MKNK1: variants seen among roughly 807,000 people sequenced by gnomAD.
MKNK1 encodes the protein MAP kinase-interacting serine/threonine-protein kinase 1.
A neutral mutation model predicts 49.3 loss-of-function variants in MKNK1; 30 were observed. The ratio of observed to expected loss-of-function variants is 0.61; its 90% CI spans 0.46 to 0.83. The LOEUF (loss-of-function observed/expected upper bound fraction) is 0.83. Ranked by LOEUF, MKNK1 falls within the 40% of genes least tolerant of loss-of-function variation. The probability of loss-of-function intolerance (pLI) is 0.00; values close to 1 mark genes in which losing one functional copy is unlikely to be tolerated. For missense variants in MKNK1, 423 were observed against 524.7 expected, an observed-to-expected ratio of 0.81 and a Z score of 1.89; for synonymous variants, 176 against 201.7, an observed-to-expected ratio of 0.87 and a Z score of 1.08.
Position 46,558,397 on chromosome 1 carries a change from C to T in MKNK1, c.*178G>A, listed in dbSNP as rs1241003466. 1 of 599,896 alleles carries T rather than the reference C, an allele frequency of 1.7e-6. No homozygotes were observed. Among genetic ancestry groups the T allele is most frequent in the African/African-American group, 1.9e-5 (1 of 53,312 alleles). The allele number at this position is 599,896 out of a possible 1,614,324, so 37.2% of individuals were successfully genotyped here. A position where few individuals can be genotyped will look rare whatever the true frequency, so the allele number is the denominator to read the frequency against. On this transcript the variant is annotated 3_prime_UTR_variant, in exon 13 of 13. Transcript: ENST00000371945. ...ACAACCCCTTTGGAAAAAGCTTTTT[C>T]CTCCAGGACCCTAGGGAAATGGGGG...
chr1:46,583,150 C>A, intron 3 of MKNK1, 78 bp downstream of exon 3: 1 of 1,118,082 alleles, frequency 8.9e-7, no homozygotes, highest in South Asian at 1.3e-5. Context: ...ATTCTGTGAT[C>A]GGACCTGTGG....
intron 10 of MKNK1, 83 bp from the exon 11 acceptor site, chr1:46,561,725 A>G: frequency 6.7e-7 from 1 of 1,482,880 alleles, no homozygotes; most frequent in African/African-American, 1.4e-5. Flanking sequence ...AACCGGCTTC[A>G]ATTGATCTCA....
chr1:46,581,074 G>A (rs1037642306), intron 3 of MKNK1, among the ~76,000 whole-genome samples: 4 of 151,954 alleles, frequency 2.6e-5, no homozygotes, highest in African/African-American at 9.7e-5. Flanking sequence ...ATATACGCAT[G>A]ATCCCTCTCC....
intron 1 of MKNK1, among the ~76,000 whole-genome samples, chr1:46,595,898 C>T (rs377016947): frequency 3.9e-5 from 6 of 152,184 alleles, no homozygotes; most frequent in Non-Finnish European, 7.4e-5. Context: ...ACTACAGGCA[C>T]GAGCCACCAC....
chr1:46,558,880 G>C, intron 12 of MKNK1, 80 bp from the exon 13 acceptor site: 6 of 1,211,040 alleles, frequency 5.0e-6, no homozygotes, highest in Non-Finnish European at 7.0e-6. Context: ...ACTCCCACTT[G>C]CTGCTGTGGC....
intron 4 of MKNK1, among the ~76,000 whole-genome samples, chr1:46,578,921 A>T (rs11211308): frequency 0.047 from 7,126 of 151,778 alleles, 187 homozygotes; most frequent in African/African-American, 0.08. Flanking sequence ...CCCGGCTAAT[A>T]TTTTTGTATT....
At chr1:46,588,022 CATA>C (rs776537400) in intron 2 of MKNK1, among the ~76,000 whole-genome samples, 9 of 152,184 alleles carry the variant, frequency 5.9e-5, no homozygotes, top group Non-Finnish European at 1.3e-4. Flanking sequence ...TAATTCTTAT[CATA>C]ATCTCAAAAG....
In MKNK1 at chr1:46,589,841, T is replaced by C. The variant is rs1673099407; in HGVS notation, c.-3+4272A>G. On this transcript the variant is annotated intron_variant, in intron 2 of 12. Transcript: ENST00000371945. The surrounding 1 kb of genome is among the most constrained non-coding windows in gnomAD (Gnocchi z 4.3). ...TTCTCCATAGTCTTATGAGCCACAT[T>C]GTCCCCAAAGGAACCAGATCTGTAC... 6.6e-6 allele frequency among the ~76,000 whole-genome samples: 1 copy of C among 152,154 alleles called. No homozygotes were observed.
In MKNK1 at chr1:46,584,476, C is replaced by T. The variant is rs1318027533; in HGVS notation, c.-2-1147G>A. ...GACCAACCTTCAATAAACACAGGCT[C>T]TTGGTTGTTGGTGTTTTTTTTTTTT... On this transcript the variant is annotated intron_variant, in intron 2 of 12. Coordinates refer to ENST00000371945, the MANE Select transcript of MKNK1 (RefSeq NM_001135553.4). 5 of 150,560 alleles carry T rather than the reference C, an allele frequency of 3.3e-5. No individual in the cohort carries two copies. In the East Asian group the frequency reaches 9.7e-4, roughly 29 times the overall value. 9.3% of individuals were successfully genotyped at this position (150,560 alleles called of 1,614,324 possible). A position where few individuals can be genotyped will look rare whatever the true frequency, so the allele number is the denominator to read the frequency against.
At chr1:46,563,762 G>A (rs1375533989) in intron 9 of MKNK1, among the ~76,000 whole-genome samples, 1 of 152,184 alleles carries the variant, frequency 6.6e-6, no homozygotes, top group East Asian at 1.9e-4. Context: ...AGGGTTATTA[G>A]GGGCCAGGCG....
intron 9 of MKNK1, 151 bp from the exon 10 acceptor site, chr1:46,562,994 G>A (rs1015878082): frequency 1.3e-5 from 8 of 620,332 alleles, no homozygotes; most frequent in African/African-American, 1.9e-5. Flanking sequence ...CCAGTGAGCC[G>A]CCTGATGCCA....
intron 2 of MKNK1, among the ~76,000 whole-genome samples, chr1:46,585,249 CAAAAAAAAAAAAAAAAAAAAAAAAAAAA>C (rs58692301): frequency 1.1e-3 from 70 of 62,128 alleles, no homozygotes; most frequent in African/African-American, 1.8e-3. Flanking sequence ...GATTCCGTCT[CAAAAAAAAAAAAAAAAAAAAAAAAAAAA>C]AAAAAAAAAA....
chr1:46,572,137 T>A lies in MKNK1; in HGVS notation c.383A>T (p.Lys128Met), dbSNP rs745494275. 6.2e-7 allele frequency: 1 copy of A among 1,613,964 alleles called. No individual in the cohort carries two copies. ...GSILAHIQKQ[K>M]HFNEREASRV... is the part of the protein sequence containing the mutation. ...GCTGGCTTCTCGCTCATTGAAGTGC[T>A]TTTGCTTCTGGATGTGGGCTAAGAT... Residue 128 changes from lysine to methionine, a missense_variant, in exon 7 of 13, where the codon AAG becomes ATG. Coordinates refer to ENST00000371945, the MANE Select transcript of MKNK1 (RefSeq NM_001135553.4).
intron 9 of MKNK1, 88 bp from the exon 10 acceptor site, chr1:46,562,931 G>C (rs1046948810): frequency 2.7e-6 from 3 of 1,118,080 alleles, no homozygotes; most frequent in African/African-American, 3.2e-5. Flanking sequence ...AGCAGACTGT[G>C]ATGGGACTGG....
intron 12 of MKNK1, 34 bp downstream of exon 12, chr1:46,560,200 A>G: frequency 6.2e-7 from 1 of 1,612,722 alleles, no homozygotes. Flanking sequence ...GAGCTTGAGG[A>G]AGAGCATGGC....
intron 9 of MKNK1, among the ~76,000 whole-genome samples, chr1:46,564,661 A>G (rs1668744000): frequency 6.6e-6 from 1 of 151,796 alleles, no homozygotes. Context: ...TTTTCAGTAC[A>G]ATGGGGTTTC....
At chr1:46,568,186 A>C (rs1669429523) in intron 8 of MKNK1, 2 of 450,030 alleles carry the variant, frequency 4.4e-6, no homozygotes, top group African/African-American at 4.1e-5. Flanking sequence ...ATTGGACTAG[A>C]AAATATTAAT....
chr1:46,596,564 G>A (rs1240058917), intron 1 of MKNK1, among the ~76,000 whole-genome samples: 2 of 152,144 alleles, frequency 1.3e-5, no homozygotes, highest in South Asian at 2.1e-4. Context: ...TGGGCATTAG[G>A]TCCTAGGTTC....
chr1:46,591,281 G>A (rs1673298232), intron 2 of MKNK1, among the ~76,000 whole-genome samples: 1 of 152,202 alleles, frequency 6.6e-6, no homozygotes, highest in Non-Finnish European at 1.5e-5. Flanking sequence ...AGGCTGGGCT[G>A]CAGCATGCAG....
Sources: allele counts gnomAD v4.1 joint callset (sites outside exome capture counted in the v4.1 genomes callset), GRCh38; gene constraint gnomAD v4.1.1; non-coding constraint Gnocchi (gnomAD v3.1); transcripts MANE v1.5; gene names NCBI Gene and HGNC (gene_info 2026-07-23, HGNC 2026-07-21).